Variants in UBE3B observed in about 807,000 individuals in gnomAD.
UBE3B encodes the protein ubiquitin protein ligase E3B.
UBE3B carries 80 observed loss-of-function variants against 132.3 expected under a neutral mutation model. The observed-to-expected ratio is 0.60, with a 90% CI of 0.50 to 0.73. The LOEUF (loss-of-function observed/expected upper bound fraction) is 0.73, where lower values mean the gene tolerates loss of function less well. UBE3B is among the 30% of genes least tolerant of loss of function. UBE3B has a pLI of 0.00. For missense variants in UBE3B, 1,196 were observed against 1,362.5 expected (o/e 0.88, Z 1.92); for synonymous variants, 487 against 520.4 (o/e 0.94, Z 0.87).
intron 14 of UBE3B, among the ~76,000 whole-genome samples, chr12:109,506,048 C>T (rs756245634): frequency 6.6e-6 from 1 of 152,190 alleles, no homozygotes; most frequent in African/African-American, 2.4e-5. Context: ...GCCTGTGTGT[C>T]TAAGGCCTTG....
rs1876467095 is a variant in UBE3B at position 109,486,552 on chromosome 12, T to C, written c.424T>C (p.Cys142Arg). 1 of 1,587,078 alleles carries C rather than the reference T, an allele frequency of 6.3e-7. No homozygotes were observed. The highest frequency in any genetic ancestry group is 8.6e-7 in the Non-Finnish European group (1 of 1,166,976). Residue 142 changes from cysteine to arginine, a missense_variant, in exon 6 of 28, where the codon TGT (cysteine) becomes CGT (arginine). Cys to Arg is a radical substitution (Grantham distance 180, BLOSUM62 -3). Coordinates refer to ENST00000342494, the MANE Select transcript of UBE3B (RefSeq NM_130466.4). ...GATCAAGAACATTTTGTGGTACTGC[T>C]GTGATTTTCTCAAGCAGCTCAAGGT... The part of the protein sequence containing the change: ...QQIKNILWYC[C>R]DFLKQLKPEI...
At chr12:109,514,900 A>G (rs1381828166) in intron 18 of UBE3B, among the ~76,000 whole-genome samples, 1 of 148,812 alleles carries the variant, frequency 6.7e-6, no homozygotes. Context: ...ACTCAGTACC[A>G]TCCCCTTTCT....
chr12:109,534,219 C>G lies in UBE3B; in HGVS notation c.3016-372C>G. 4.0e-6 allele frequency: 5 copies of G among 1,244,362 alleles called. No individual in the cohort carries two copies. The highest frequency in any genetic ancestry group is 5.1e-6 in the Non-Finnish European group (5 of 976,934). 77.1% of individuals were successfully genotyped at this position (1,244,362 alleles called of 1,614,324 possible). On this transcript the variant is annotated intron_variant, in intron 27 of 27. Transcript: ENST00000342494. The surrounding 1 kb of genome is among the most constrained non-coding windows in gnomAD (Gnocchi z 5.2). ...GTTGGCCCAAGTCATGGTCTGCCAC[C>G]GGCCACAGCACCGGTGAGGAGGGAG...
chr12:109,485,542 G>C (rs1876292394), intron 4 of UBE3B, among the ~76,000 whole-genome samples: 1 of 152,196 alleles, frequency 6.6e-6, no homozygotes, highest in African/African-American at 2.4e-5. Flanking sequence ...AATGGAACCT[G>C]TTTTCTAGTT....
At chr12:109,523,787 G>A (rs548192869) in intron 21 of UBE3B, among the ~76,000 whole-genome samples, 191 bp from the exon 22 acceptor site, 34 of 152,332 alleles carry the variant, frequency 2.2e-4, no homozygotes, top group Admixed American at 1.6e-3. Context: ...TGACCACTGC[G>A]CTGTCCCCAG....
rs148603370 is a variant in UBE3B at position 109,521,702 on chromosome 12, C to A, written c.2364+151C>A. The A allele has an allele frequency of 2.9e-3, 1,877 of 647,894 alleles. 32 individuals carry two copies. The African/African-American group carries it at 0.03, about 10-fold the overall frequency. 40.1% of individuals were successfully genotyped at this position (647,894 alleles called of 1,614,324 possible). On this transcript the variant is annotated intron_variant, in intron 21 of 27. Transcript: ENST00000342494. The surrounding 1 kb of genome is among the most constrained non-coding windows in gnomAD (Gnocchi z 4.2). ...GGCAGGAACCAAGGTTTGTTGTACACCAGTGCTAGGTACTTTGCCTGTGGC... is the reference window on the plus strand; with the variant it reads ...GGCAGGAACCAAGGTTTGTTGTACAACAGTGCTAGGTACTTTGCCTGTGGC...
intron 7 of UBE3B, among the ~76,000 whole-genome samples, 196 bp from the exon 8 acceptor site, chr12:109,489,723 G>T (rs1331798269): frequency 6.6e-6 from 1 of 152,182 alleles, no homozygotes. Flanking sequence ...CTTGAGCCAG[G>T]CCTACCAGGA....
At chr12:109,492,143 A>G (rs1213986454) in intron 9 of UBE3B, 1 of 152,250 alleles carries the variant, frequency 6.6e-6, no homozygotes, top group Non-Finnish European at 1.5e-5. Context: ...ACTGTGTTCC[A>G]GTAAAACTTT....
rs966541711 is a variant in UBE3B, at chr12:109,520,983, A to G, written c.2077-165A>G. On this transcript the variant is annotated intron_variant, in intron 19 of 27. Coordinates refer to ENST00000342494, the MANE Select transcript of UBE3B (RefSeq NM_130466.4). ...AAATGAATCTTTGCTTTTAATCAGC[A>G]CTCATTCAAAAGCAGGTGAGAACGG... 6 of 696,052 alleles carry G rather than the reference A, an allele frequency of 8.6e-6. No individual in the cohort carries two copies. In the African/African-American group the frequency reaches 9.0e-5, roughly 10 times the overall value. The allele number at this position is 696,052 out of a possible 1,614,324, so 43.1% of individuals were successfully genotyped here. A position where few individuals can be genotyped will look rare whatever the true frequency, so the allele number is the denominator to read the frequency against.
chr12:109,511,304 G>C lies in UBE3B; in HGVS notation c.1956+1G>C. On this transcript the variant is annotated splice_donor_variant, in intron 18 of 27. Coordinates refer to ENST00000342494, the MANE Select transcript of UBE3B (RefSeq NM_130466.4). LOFTEE classifies it high-confidence loss of function. ...CCCACATGTCATCCCTCACAAAAAC[G>C]TGAGTTGCACTCAGAGCTGGGCCCC... 1.2e-6 allele frequency: 2 copies of C among 1,613,842 alleles called. No individual in the cohort carries two copies. Among genetic ancestry groups the C allele is most frequent in the Non-Finnish European group, 1.7e-6 (2 of 1,179,778 alleles).
chr12:109,515,727 T>TA (rs1057508807), intron 18 of UBE3B, among the ~76,000 whole-genome samples: 1 of 152,168 alleles, frequency 6.6e-6, no homozygotes, highest in African/African-American at 2.4e-5. Context: ...TTCCCATTTT[T>TA]AAAAAAACAG....
At chr12:109,538,155 C>T (rs183553019), downstream of UBE3B, among the ~76,000 whole-genome samples, 5 of 152,344 alleles carry the variant, frequency 3.3e-5, no homozygotes, top group Admixed American at 3.3e-4. This position sits in a 1 kb window ranked among gnomAD's most constrained non-coding sequence, Gnocchi z 4.1. Context: ...TTAGCTGGAA[C>T]AGAGTTTGAG....
At chr12:109,530,736 T>C in intron 26 of UBE3B, 78 bp downstream of exon 26, 5 of 1,378,276 alleles carry the variant, frequency 3.6e-6, no homozygotes, top group Non-Finnish European at 5.1e-6. Flanking sequence ...TAATTTACGC[T>C]GAAGAAACTG....
chr12:109,541,789 G>A, the UBE3B span, among the ~76,000 whole-genome samples: 1 of 152,118 alleles, frequency 6.6e-6, no homozygotes, highest in East Asian at 1.9e-4. Flanking sequence ...CTAGCTTCTG[G>A]TGGCCCCTGC....
rs775953709 is a variant in UBE3B at position 109,497,876 on chromosome 12, A to G, written c.772A>G (p.Met258Val). 2.4e-5 allele frequency: 39 copies of G among 1,613,962 alleles called. No individual in the cohort carries two copies. The highest frequency in any genetic ancestry group is 3.3e-5 in the Non-Finnish European group (39 of 1,180,016). ...GATTCGGCCGTTCCTCATCCACATC[A>G]TGTCTGTGCCTGCTCTGGTGACTCA... ...NLIRPFLIHI[M>V]SVPALVTHLS... Residue 258 changes from methionine (M) to valine (V), a missense_variant, in exon 10 of 28, where the codon ATG (methionine) becomes GTG (valine). Transcript: ENST00000342494.
At chr12:109,482,816 A>G (rs1283766936) in intron 2 of UBE3B, among the ~76,000 whole-genome samples, 1 of 152,268 alleles carries the variant, frequency 6.6e-6, no homozygotes, top group Non-Finnish European at 1.5e-5. Context: ...GTTAGTGGAC[A>G]GGACCAGTTC....
At chr12:109,490,648 CTT>C (rs1193838757) in intron 8 of UBE3B, 6 of 1,510,284 alleles carry the variant, frequency 4.0e-6, no homozygotes, top group Non-Finnish European at 5.3e-6. Flanking sequence ...AATATGATGT[CTT>C]TAAATTTTAA....
chr12:109,521,193 G>T lies in UBE3B; in HGVS notation c.2122G>T (p.Gly708Trp), dbSNP rs755644890. 6.2e-7 allele frequency: 1 copy of T among 1,614,204 alleles called. No homozygotes were observed. The highest frequency in any genetic ancestry group is 1.1e-5 in the South Asian group (1 of 91,088). The change falls in exon 20 of 28, where the codon GGG becomes TGG. Residue 708 changes from glycine to tryptophan, a missense_variant. Coordinates refer to ENST00000342494, the MANE Select transcript of UBE3B (RefSeq NM_130466.4). This position sits in a 1 kb window ranked among gnomAD's most constrained non-coding sequence, Gnocchi z 4.2. ...LRQLSQHAMK[G>W]VIRVKFVNDL... is the part of the protein sequence containing the mutation. Reference sequence around the variant, plus strand: ...GCAGCTCTCCCAGCACGCCATGAAGGGGGTCATCCGTGTGAAGTTTGTCAA... The same window carrying T: ...GCAGCTCTCCCAGCACGCCATGAAGTGGGTCATCCGTGTGAAGTTTGTCAA...
At chr12:109,509,421 T>A in intron 15 of UBE3B, 175 bp from the exon 16 acceptor site, 4 of 500,684 alleles carry the variant, frequency 8.0e-6, no homozygotes, top group East Asian at 3.4e-5. Flanking sequence ...CTCCCTCCCC[T>A]TTCCCCCTAC....
Sources: gnomAD v4.1 joint callset for allele counts (sites outside exome capture counted in the v4.1 genomes callset) on GRCh38, gnomAD v4.1.1 for gene constraint, Gnocchi (gnomAD v3.1) non-coding constraint, MANE v1.5 for transcripts, NCBI Gene and HGNC (gene_info 2026-07-23, HGNC 2026-07-21) for gene names.